PLD5: variants seen among roughly 807,000 people sequenced by gnomAD.
The protein encoded by PLD5 is phospholipase D family member 5.
In PLD5, 36 loss-of-function variants were observed where a neutral mutation model predicts 61.1. That is an observed-to-expected ratio of 0.59 (90% CI 0.45 to 0.78). The LOEUF (loss-of-function observed/expected upper bound fraction) is 0.78. PLD5 is among the 30% of genes least tolerant of loss of function. The pLI is 0.00. For synonymous variants in PLD5, 243 were observed against 242.8 expected (o/e 1.00, Z -0.01); for missense variants, 515 against 644.4 (o/e 0.80, Z 2.17).
chr1:242,303,967 T>C (rs1345683248), intron 2 of PLD5, among the ~76,000 whole-genome samples: 1 of 152,200 alleles, frequency 6.6e-6, no homozygotes, highest in Non-Finnish European at 1.5e-5. Flanking sequence ...TTGCCCACCA[T>C]GGGCTCTGTC....
intron 1 of PLD5, among the ~76,000 whole-genome samples, chr1:242,488,422 G>C (rs561254463): frequency 3.9e-5 from 6 of 152,318 alleles, no homozygotes; most frequent in African/African-American, 1.2e-4. Flanking sequence ...ATGGAGACAT[G>C]AGGTATCATG....
intron 7 of PLD5, among the ~76,000 whole-genome samples, chr1:242,113,084 C>CTTTTTTTTTTTTTTTTTT (rs71570931): frequency 9.0e-6 from 1 of 110,666 alleles, no homozygotes; most frequent in Non-Finnish European, 1.8e-5. Context: ...CTCTCTCTCT[C>CTTTTTTTTTTTTTTTTTT]TTTTTTTTTT....
rs1267421641 is a variant in PLD5, at chr1:242,471,100, G to A, written c.189+52988C>T. On this transcript the variant is annotated intron_variant, in intron 1 of 9. Transcript: ENST00000536534. ...GGGCTCCCTGGTGGAGCTGGCCTGGGCTGTCTGCCTTTCACCTCCTTAGAC... is the reference window on the plus strand; with the variant it reads ...GGGCTCCCTGGTGGAGCTGGCCTGGACTGTCTGCCTTTCACCTCCTTAGAC... Among the ~76,000 whole-genome samples, 6 of 152,152 alleles carry A rather than the reference G, an allele frequency of 3.9e-5. No individual in the cohort carries two copies. The East Asian group carries it at 9.6e-4, about 24-fold the overall frequency.
chr1:242,517,871 A>G lies in PLD5; in HGVS notation c.189+6217T>C, dbSNP rs977892450. Among the ~76,000 whole-genome samples the G allele has an allele frequency of 3.9e-5, 6 of 152,172 alleles. No individual in the cohort carries two copies. In the East Asian group the frequency reaches 1.2e-3, roughly 29 times the overall value. On this transcript the variant is annotated intron_variant, in intron 1 of 9. Transcript: ENST00000536534. ...AAAGACACTCAGTAAATATCTGGTG[A>G]CTGATGAGTTTGCCAATTGGTATTT...
intron 1 of PLD5, among the ~76,000 whole-genome samples, chr1:242,372,769 T>G (rs924722673): frequency 2.0e-5 from 3 of 152,130 alleles, no homozygotes; most frequent in African/African-American, 7.2e-5. Flanking sequence ...GATCCCTTCC[T>G]TACACCTTAT....
chr1:242,162,887 A>G (rs1474396002), intron 5 of PLD5, among the ~76,000 whole-genome samples: 1 of 152,192 alleles, frequency 6.6e-6, no homozygotes, highest in African/African-American at 2.4e-5. Context: ...ATGGCAGCAG[A>G]ATATTCTCTA....
intron 1 of PLD5, among the ~76,000 whole-genome samples, chr1:242,435,905 A>G (rs1665972623): frequency 6.6e-6 from 1 of 152,234 alleles, no homozygotes; most frequent in Non-Finnish European, 1.5e-5. Flanking sequence ...AAACCAACCC[A>G]GAAAGGTAAG....
intron 1 of PLD5, among the ~76,000 whole-genome samples, chr1:242,504,749 C>T (rs1016128833): frequency 5.3e-5 from 8 of 152,096 alleles, no homozygotes; most frequent in Non-Finnish European, 1.2e-4. Context: ...CTCGGTGAAA[C>T]ATGATTTTCC....
At chr1:242,358,036 A>G (rs1236841511) in intron 1 of PLD5, among the ~76,000 whole-genome samples, 1 of 151,662 alleles carries the variant, frequency 6.6e-6, no homozygotes, top group Non-Finnish European at 1.5e-5. Flanking sequence ...TCTTTATTGC[A>G]TTTTTCAGTT....
At chr1:242,106,672 G>A (rs138397388) in intron 8 of PLD5, among the ~76,000 whole-genome samples, 41 of 152,312 alleles carry the variant, frequency 2.7e-4, no homozygotes, top group African/African-American at 9.6e-4. Context: ...GATATTCAGG[G>A]TCAGGGCGAT....
At chr1:242,378,292 G>A (rs1242280485) in intron 1 of PLD5, among the ~76,000 whole-genome samples, 3 of 152,140 alleles carry the variant, frequency 2.0e-5, no homozygotes, top group Non-Finnish European at 4.4e-5. Flanking sequence ...ACTTACACGA[G>A]GTACTTAGTG....
At chr1:242,169,267 C>T (rs1666563425) in intron 5 of PLD5, among the ~76,000 whole-genome samples, 2 of 152,126 alleles carry the variant, frequency 1.3e-5, no homozygotes, top group African/African-American at 4.8e-5. Context: ...AATGGTTGGA[C>T]AGTGAGTGCA....
chr1:242,370,560 C>T (rs1661579524), intron 1 of PLD5, among the ~76,000 whole-genome samples: 1 of 152,144 alleles, frequency 6.6e-6, no homozygotes, highest in Non-Finnish European at 1.5e-5. Flanking sequence ...AAGAGTTCCA[C>T]TTGAGTAGAC....
intron 2 of PLD5, among the ~76,000 whole-genome samples, chr1:242,322,725 C>T (rs1201040827): frequency 6.6e-6 from 1 of 152,216 alleles, no homozygotes; most frequent in Non-Finnish European, 1.5e-5. Flanking sequence ...CTCTTTCTCT[C>T]CTGCTGCCAT....
At chr1:242,328,287 A>C (rs12143296) in intron 2 of PLD5, among the ~76,000 whole-genome samples, 8,881 of 151,618 alleles carry the variant, frequency 0.059, 316 homozygotes, top group Middle Eastern at 0.096. Context: ...TATTATATAT[A>C]TGTATGTATG....
intron 5 of PLD5, among the ~76,000 whole-genome samples, chr1:242,213,885 G>A (rs188867612): frequency 2.1e-3 from 314 of 150,230 alleles, no homozygotes; most frequent in Non-Finnish European, 2.5e-3. Flanking sequence ...CTCACATACC[G>A]GGACTAAAAC....
chr1:242,216,772 T>G (rs1388934072), intron 5 of PLD5, among the ~76,000 whole-genome samples: 1 of 152,158 alleles, frequency 6.6e-6, no homozygotes, highest in Non-Finnish European at 1.5e-5. Flanking sequence ...TGAGTTAGGG[T>G]CTGTGGGTCA....
chr1:242,315,053 C>T (rs1249914242), intron 2 of PLD5, among the ~76,000 whole-genome samples: 5 of 152,274 alleles, frequency 3.3e-5, no homozygotes, highest in African/African-American at 9.6e-5. Flanking sequence ...TGAGGATTTC[C>T]GTATTCTAAC....
intron 1 of PLD5, among the ~76,000 whole-genome samples, chr1:242,375,110 C>T (rs1044079706): frequency 3.3e-5 from 5 of 152,294 alleles, no homozygotes; most frequent in Admixed American, 2.6e-4. Flanking sequence ...TCAATATCCC[C>T]GAGCTGCGTA....
Sources: allele counts gnomAD v4.1 joint callset (sites outside exome capture counted in the v4.1 genomes callset), GRCh38; gene constraint gnomAD v4.1.1; transcripts MANE v1.5; gene names NCBI Gene and HGNC (gene_info 2026-07-23, HGNC 2026-07-21).